The following KCNAB3 variants were observed in gnomAD, a reference collection of about 807,000 sequenced individuals.
KCNAB3 encodes voltage-gated potassium channel subunit beta-3.
In KCNAB3, 62 loss-of-function variants were observed where a neutral mutation model predicts 67.7. That is an observed-to-expected ratio of 0.92 (90% CI 0.75 to 1.13). The LOEUF is 1.13. Among genes scored for constraint, KCNAB3 ranks in the 50% most tolerant of loss-of-function variants. The probability of loss-of-function intolerance (pLI) is 0.00; values close to 1 mark genes in which losing one functional copy is unlikely to be tolerated. For missense variants in KCNAB3, 514 were observed against 522.9 expected, an observed-to-expected ratio of 0.98 and a Z score of 0.17; for synonymous variants, 212 against 205.4, an observed-to-expected ratio of 1.03 and a Z score of -0.27.
In KCNAB3 at chr17:7,929,078, G is replaced by A; in HGVS notation, c.242+116C>T. Reference sequence around the variant, plus strand: ...AGTGCCAGAGACAGAAAGAAGAGATGGAAAGAAGGGAGACCTACTTAGTGA... The same window carrying A: ...AGTGCCAGAGACAGAAAGAAGAGATAGAAAGAAGGGAGACCTACTTAGTGA... On this transcript the variant is annotated intron_variant, in intron 1 of 13. Transcript: ENST00000303790. The surrounding 1 kb of genome is among the most constrained non-coding windows in gnomAD (Gnocchi z 5.7). 10 of 1,436,664 alleles carry A rather than the reference G, an allele frequency of 7.0e-6. No individual in the cohort carries two copies. Among genetic ancestry groups the A allele is most frequent in the Non-Finnish European group, 9.3e-6 (10 of 1,072,110 alleles). 89.0% of individuals were successfully genotyped at this position (1,436,664 alleles called of 1,614,324 possible).
At chr17:7,928,141 A>C in intron 1 of KCNAB3, 1 of 507,328 alleles carries the variant, frequency 2.0e-6, no homozygotes, top group Non-Finnish European at 3.6e-6. Context: ...TGTTTGAGTC[A>C]TCTGTGGGTT....
In KCNAB3 at chr17:7,929,805, A is replaced by G; in HGVS notation, c.-370T>C. 9.7e-7 allele frequency: 1 copy of G among 1,034,858 alleles called. No individual in the cohort carries two copies. The highest frequency in any genetic ancestry group is 1.2e-6 in the Non-Finnish European group (1 of 861,458). The allele number at this position is 1,034,858 out of a possible 1,614,324, so 64.1% of individuals were successfully genotyped here. On this transcript the variant is annotated 5_prime_UTR_variant, in exon 1 of 14. Transcript: ENST00000303790. This position sits in a 1 kb window ranked among gnomAD's most constrained non-coding sequence, Gnocchi z 5.7. The stretch of plus-strand genomic sequence containing the variant: ...GGAGAGAGATGCCACTTCAGCGCGA[A>G]CCGCTGCGGGACCCGCTGGGCTCCC...
intron 4 of KCNAB3, 91 bp from the exon 5 acceptor site, chr17:7,926,194 G>T: frequency 6.8e-7 from 1 of 1,475,420 alleles, no homozygotes. Flanking sequence ...TGCAAAGTAG[G>T]ATATAAACCA....
intron 6 of KCNAB3, 88 bp downstream of exon 6, chr17:7,925,843 G>C: frequency 6.3e-7 from 1 of 1,591,412 alleles, no homozygotes; most frequent in Non-Finnish European, 8.6e-7. Context: ...CGGACCTGGT[G>C]CAGGATAGCT....
intron 13 of KCNAB3, 94 bp from the exon 14 acceptor site, chr17:7,923,273 G>A: frequency 1.5e-6 from 2 of 1,366,930 alleles, no homozygotes; most frequent in Non-Finnish European, 2.1e-6. Flanking sequence ...CCACAGTGGG[G>A]TCAAGTGGCA....
At chr17:7,928,947 A>C in intron 1 of KCNAB3, 27 of 544,624 alleles carry the variant, frequency 5.0e-5, no homozygotes, top group Non-Finnish European at 5.8e-5. Flanking sequence ...TAAGGAGGGA[A>C]GCTCAGGGGC....
Position 7,923,469 on chromosome 17 carries a change from A to G in KCNAB3, c.1124T>C (p.Leu375Pro), listed in dbSNP as rs776342088. Residue 375 changes from leucine (L) to proline (P), a missense_variant, in exon 13 of 14, where the codon CTG (leucine) becomes CCG (proline). Leu to Pro is a moderately conservative substitution (Grantham distance 98). Coordinates refer to ENST00000303790, the MANE Select transcript of KCNAB3 (RefSeq NM_004732.4). ...VSSAEQLIEH[L>P]GALQVLSQLT... ...TCCCCGGCTCACCTGTAGCGCGCCCAGGTGTTCTATCAACTGCTCCGCACT... is the reference window on the plus strand; with the variant it reads ...TCCCCGGCTCACCTGTAGCGCGCCCGGGTGTTCTATCAACTGCTCCGCACT... 1 of 1,611,222 alleles carries G rather than the reference A, an allele frequency of 6.2e-7. No homozygotes were observed. The highest frequency in any genetic ancestry group is 2.2e-5 in the East Asian group (1 of 44,648).
rs1312171919 is a variant in KCNAB3, at chr17:7,927,512, T to A, written c.325-89A>T. ...AACCCATCACATCTCAGCCCTGGGT[T>A]CTCTAGTCTCTCCCCTCTCCCCATC... On this transcript the variant is annotated intron_variant, in intron 3 of 13. Transcript: ENST00000303790. 3 of 1,508,248 alleles carry A rather than the reference T, an allele frequency of 2.0e-6. 1 individual carries two copies. The highest frequency in any genetic ancestry group is 3.3e-5 in the Admixed American group (2 of 59,888). The allele number at this position is 1,508,248 out of a possible 1,614,324, so 93.4% of individuals were successfully genotyped here. A position where few individuals can be genotyped will look rare whatever the true frequency, so the allele number is the denominator to read the frequency against.
Position 7,923,486 on chromosome 17 carries a change from C to T in KCNAB3, c.1107G>A (p.Glu369=), listed in dbSNP as rs767647512. 1.1e-5 allele frequency: 17 copies of T among 1,612,398 alleles called. No homozygotes were observed. The highest frequency in any genetic ancestry group is 1.4e-5 in the Non-Finnish European group (17 of 1,179,352). The change falls in exon 13 of 14, where the codon GAG becomes GAA. Residue 369 remains glutamate (E), a synonymous_variant. Transcript: ENST00000303790. ...SSVLLGVSSA[E]QLIEHLGALQ... Reference sequence around the variant, plus strand: ...GCGCGCCCAGGTGTTCTATCAACTGCTCCGCACTCGACACCCCCAGCAAGA... The same window carrying T: ...GCGCGCCCAGGTGTTCTATCAACTGTTCCGCACTCGACACCCCCAGCAAGA...
chr17:7,925,869 C>CCATA, intron 6 of KCNAB3, 62 bp downstream of exon 6: 1 of 1,512,640 alleles, frequency 6.6e-7, no homozygotes, highest in Non-Finnish European at 9.2e-7. Flanking sequence ...CACCCCCACC[C>CCATA]CATACACCTT....
chr17:7,925,090 C>G lies in KCNAB3; in HGVS notation c.625+7G>C. 6.2e-7 allele frequency: 1 copy of G among 1,609,744 alleles called. No individual in the cohort carries two copies. The highest frequency in any genetic ancestry group is 8.5e-7 in the Non-Finnish European group (1 of 1,177,160). On this transcript the variant is annotated splice_region_variant and intron_variant, in intron 8 of 13. Coordinates refer to ENST00000303790, the MANE Select transcript of KCNAB3 (RefSeq NM_004732.4). ...AGGACTGTAAGGTTTGGGGGTGCTGCTTTTACCCTCCATAGGACAGTTGGG... is the reference window on the plus strand; with the variant it reads ...AGGACTGTAAGGTTTGGGGGTGCTGGTTTTACCCTCCATAGGACAGTTGGG...
chr17:7,927,956 G>T, intron 1 of KCNAB3, 130 bp from the exon 2 acceptor site: 1 of 1,099,502 alleles, frequency 9.1e-7, no homozygotes, highest in Non-Finnish European at 1.4e-6. Context: ...AGACCCAGTG[G>T]GCCTATAAGA....
chr17:7,929,123 G>A lies in KCNAB3; in HGVS notation c.242+71C>T, dbSNP rs956669225. 4 of 1,574,332 alleles carry A rather than the reference G, an allele frequency of 2.5e-6. No homozygotes were observed. The highest frequency in any genetic ancestry group is 3.4e-6 in the Non-Finnish European group (4 of 1,163,684). ...TAGTGAAGTTTGAAGGGGTCTTGGCGGCCATCTCAAGCAGTCTCAGGGGTC... is the reference window on the plus strand; with the variant it reads ...TAGTGAAGTTTGAAGGGGTCTTGGCAGCCATCTCAAGCAGTCTCAGGGGTC... On this transcript the variant is annotated intron_variant, in intron 1 of 13. Coordinates refer to ENST00000303790, the MANE Select transcript of KCNAB3 (RefSeq NM_004732.4). The surrounding 1 kb of genome is among the most constrained non-coding windows in gnomAD (Gnocchi z 5.7).
At chr17:7,924,293 G>A in intron 9 of KCNAB3, 28 bp from the exon 10 acceptor site, 1 of 1,613,596 alleles carries the variant, frequency 6.2e-7, no homozygotes, top group African/African-American at 1.3e-5. Context: ...AAAAGAAAGT[G>A]GTCAGAGCAC....
At chr17:7,925,761 C>T in intron 6 of KCNAB3, 35 bp from the exon 7 acceptor site, 1 of 1,613,638 alleles carries the variant, frequency 6.2e-7, no homozygotes, top group Non-Finnish European at 8.5e-7. Flanking sequence ...TGAGATGTGA[C>T]AAAGATAGGG....
rs1296509102 is a variant in KCNAB3 at position 7,922,924 on chromosome 17, C to G, written c.*178G>C. ...GCTACTTTCTCTCTCGACCCCACTGCAAAAGGATATGGCTTTGTTCATGCG... is the reference window on the plus strand; with the variant it reads ...GCTACTTTCTCTCTCGACCCCACTGGAAAAGGATATGGCTTTGTTCATGCG... On this transcript the variant is annotated 3_prime_UTR_variant, in exon 14 of 14. Coordinates refer to ENST00000303790, the MANE Select transcript of KCNAB3 (RefSeq NM_004732.4). 3 of 623,422 alleles carry G rather than the reference C, an allele frequency of 4.8e-6. No individual in the cohort carries two copies. 38.6% of individuals were successfully genotyped at this position (623,422 alleles called of 1,614,324 possible).
intron 6 of KCNAB3, 28 bp downstream of exon 6, chr17:7,925,903 C>T: frequency 6.5e-7 from 1 of 1,534,404 alleles, no homozygotes; most frequent in African/African-American, 1.4e-5. Context: ...TAGGCCTTCT[C>T]CACAATCGCA....
At position 7,924,183 on chromosome 17, in the gene KCNAB3, T is replaced by A. The variant is rs373812385; in HGVS notation, c.794A>T (p.Lys265Met). 1.2e-6 allele frequency: 2 copies of A among 1,614,050 alleles called. No homozygotes were observed. The highest frequency in any genetic ancestry group is 2.7e-5 in the African/African-American group (2 of 74,898). ...QAEHHLFQRE[K>M]VEMQLPELYH... Reference sequence around the variant, plus strand: ...GAGCTCTGGCAGCTGCATCTCCACCTTCTCCCTCTGAAACAGATGGTGCTC... The same window carrying A: ...GAGCTCTGGCAGCTGCATCTCCACCATCTCCCTCTGAAACAGATGGTGCTC... Residue 265 changes from lysine (K) to methionine (M), a missense_variant, in exon 10 of 14, where the codon AAG becomes ATG. Physicochemically the swap from Lys to Met is moderately conservative, Grantham distance 95. Coordinates refer to ENST00000303790, the MANE Select transcript of KCNAB3 (RefSeq NM_004732.4).
At position 7,929,825 on chromosome 17, in the gene KCNAB3, GC is replaced by G. The variant is rs1451308261; in HGVS notation, c.-391del. ...CGCGAACCGCTGCGGGACCCGCTGGGCTCCCAGCCGCGTCGGCAGCGGGCCC... is the reference window on the plus strand; with the variant it reads ...CGCGAACCGCTGCGGGACCCGCTGGGTCCCAGCCGCGTCGGCAGCGGGCCC... On this transcript the variant is annotated 5_prime_UTR_variant, in exon 1 of 14. Transcript: ENST00000303790. This position sits in a 1 kb window ranked among gnomAD's most constrained non-coding sequence, Gnocchi z 5.7. 5.5e-5 allele frequency: 56 copies of G among 1,016,092 alleles called. No homozygotes were observed. The highest frequency in any genetic ancestry group is 7.7e-5 in the South Asian group (2 of 26,122). 62.9% of individuals were successfully genotyped at this position (1,016,092 alleles called of 1,614,324 possible). A position where few individuals can be genotyped will look rare whatever the true frequency, so the allele number is the denominator to read the frequency against.
Sources: allele counts gnomAD v4.1 joint callset, GRCh38; gene constraint gnomAD v4.1.1; non-coding constraint Gnocchi (gnomAD v3.1); transcripts MANE v1.5; gene names NCBI Gene and HGNC (gene_info 2026-07-23, HGNC 2026-07-21).